Variants in SMC6 observed in about 807,000 individuals in gnomAD.
SMC6 encodes structural maintenance of chromosomes 6.
A neutral mutation model predicts 142.2 loss-of-function variants in SMC6; 79 were observed. That is an observed-to-expected ratio of 0.56 (90% CI 0.46 to 0.67). The LOEUF (loss-of-function observed/expected upper bound fraction) is 0.67. Among genes scored for constraint, SMC6 ranks in the 30% least tolerant of loss-of-function variants. The pLI is 0.00. For missense variants in SMC6, 1,072 were observed against 1,284.0 expected, an observed-to-expected ratio of 0.83 and a Z score of 2.52; for synonymous variants, 411 against 412.4, an observed-to-expected ratio of 1.00 and a Z score of 0.04.
At chr2:17,733,111 G>T (rs1269700953) in intron 5 of SMC6, among the ~76,000 whole-genome samples, 3 of 152,220 alleles carry the variant, frequency 2.0e-5, no homozygotes, top group South Asian at 4.1e-4. Flanking sequence ...GTAATTAAAT[G>T]AAACCTTTAA....
At chr2:17,694,621 T>C (rs939400552) in intron 23 of SMC6, among the ~76,000 whole-genome samples, 9 of 152,318 alleles carry the variant, frequency 5.9e-5, no homozygotes, top group Non-Finnish European at 1.0e-4. Flanking sequence ...ATTTTGTGAA[T>C]GAGAAAATTA....
chr2:17,751,467 C>CAAA (rs11309389), intron 2 of SMC6, among the ~76,000 whole-genome samples: 1 of 89,110 alleles, frequency 1.1e-5, no homozygotes, highest in Non-Finnish European at 2.5e-5. Context: ...CTGTCTCAAA[C>CAAA]AAAAAAAAAA....
At chr2:17,713,351 T>C in intron 16 of SMC6, 6 of 376,952 alleles carry the variant, frequency 1.6e-5, no homozygotes, top group South Asian at 1.2e-4. Flanking sequence ...TCCTAGCAAC[T>C]CCTGAGGCCC....
intron 23 of SMC6, among the ~76,000 whole-genome samples, chr2:17,686,641 C>G (rs544236304): frequency 6.6e-6 from 1 of 152,192 alleles, no homozygotes; most frequent in African/African-American, 2.4e-5. Flanking sequence ...TCAGTGCCCC[C>G]AAGGGAAAAG....
intron 23 of SMC6, among the ~76,000 whole-genome samples, chr2:17,684,722 G>A (rs1260214170): frequency 6.6e-6 from 1 of 152,148 alleles, no homozygotes; most frequent in Non-Finnish European, 1.5e-5. Flanking sequence ...AGCTACTCAG[G>A]AGGGTGAGGC....
chr2:17,675,603 G>A (rs1666961758), intron 25 of SMC6, among the ~76,000 whole-genome samples: 1 of 152,042 alleles, frequency 6.6e-6, no homozygotes, highest in African/African-American at 2.4e-5. Flanking sequence ...TTTTTGAAAG[G>A]TAGTTTTGCT....
intron 22 of SMC6, 123 bp from the exon 23 acceptor site, chr2:17,695,420 C>T (rs1667942523): frequency 5.8e-6 from 4 of 693,026 alleles, no homozygotes; most frequent in Non-Finnish European, 9.2e-6. Flanking sequence ...ATTTTAATTA[C>T]ATTTAATATC....
At chr2:17,746,878 A>G (rs1670778185) in intron 2 of SMC6, among the ~76,000 whole-genome samples, 1 of 152,196 alleles carries the variant, frequency 6.6e-6, no homozygotes, top group African/African-American at 2.4e-5. Flanking sequence ...AATTTCTAAG[A>G]TATAAGAATA....
At chr2:17,741,157 CCTAA>C (rs1273681151) in intron 4 of SMC6, among the ~76,000 whole-genome samples, 2 of 152,290 alleles carry the variant, frequency 1.3e-5, no homozygotes, top group Non-Finnish European at 1.5e-5. Flanking sequence ...GCCAATAAGA[CCTAA>C]ATAATCGATA....
intron 23 of SMC6, among the ~76,000 whole-genome samples, chr2:17,691,497 T>G (rs1281498751): frequency 2.0e-5 from 3 of 151,734 alleles, no homozygotes; most frequent in East Asian, 3.9e-4. Flanking sequence ...AGAAAAGGCC[T>G]TTGACAAAAT....
chr2:17,715,105 T>C, intron 15 of SMC6, 40 bp from the exon 16 acceptor site: 1 of 1,576,938 alleles, frequency 6.3e-7, no homozygotes, highest in Non-Finnish European at 8.6e-7. Context: ...TCATAAATAC[T>C]TATTTTGAAA....
At chr2:17,750,585 C>T (rs917000499) in intron 2 of SMC6, among the ~76,000 whole-genome samples, 1 of 152,186 alleles carries the variant, frequency 6.6e-6, no homozygotes, top group Non-Finnish European at 1.5e-5. Context: ...CCAGTTAAAC[C>T]TCTTTAACGC....
chr2:17,711,695 T>G (rs1668833643), intron 16 of SMC6, among the ~76,000 whole-genome samples: 1 of 152,172 alleles, frequency 6.6e-6, no homozygotes, highest in Non-Finnish European at 1.5e-5. Flanking sequence ...CACAGCCCAC[T>G]GCAGCCTTGA....
intron 9 of SMC6, among the ~76,000 whole-genome samples, chr2:17,722,999 TA>T (rs372729861): frequency 0.14 from 18,770 of 137,600 alleles, 1,480 homozygotes; most frequent in African/African-American, 0.24. Context: ...TCAGCTTTCT[TA>T]AAAAAAAAAA....
At chr2:17,746,007 T>C in intron 2 of SMC6, 56 bp from the exon 3 acceptor site, 1 of 1,440,858 alleles carries the variant, frequency 6.9e-7, no homozygotes, top group Non-Finnish European at 9.2e-7. Context: ...TATATTAAAC[T>C]CAACAAAATA....
At chr2:17,750,639 T>A (rs1467515002) in intron 2 of SMC6, among the ~76,000 whole-genome samples, 3 of 152,164 alleles carry the variant, frequency 2.0e-5, no homozygotes, top group Non-Finnish European at 4.4e-5. Context: ...AGTTAATTAT[T>A]CATAGAGAGT....
At chr2:17,698,342 T>C (rs1219717424) in intron 21 of SMC6, among the ~76,000 whole-genome samples, 1 of 152,090 alleles carries the variant, frequency 6.6e-6, no homozygotes, top group Non-Finnish European at 1.5e-5. Flanking sequence ...ATTTTTGGTA[T>C]AGTTGCTCTA....
intron 3 of SMC6, among the ~76,000 whole-genome samples, chr2:17,743,749 C>T (rs1572363457): frequency 6.6e-6 from 1 of 152,134 alleles, no homozygotes; most frequent in East Asian, 1.9e-4. Context: ...CTATTCATCC[C>T]TCCCTTTCCT....
chr2:17,728,385 G>A (rs930004723), intron 7 of SMC6, among the ~76,000 whole-genome samples: 1 of 152,068 alleles, frequency 6.6e-6, no homozygotes, highest in Non-Finnish European at 1.5e-5. Flanking sequence ...AGGGAGTCGT[G>A]ATCATGCTGC....
Sources: allele counts gnomAD v4.1 joint callset (sites outside exome capture counted in the v4.1 genomes callset), GRCh38; gene constraint gnomAD v4.1.1; transcripts MANE v1.5; gene names NCBI Gene and HGNC (gene_info 2026-07-23, HGNC 2026-07-21).